RBFOX1: variants seen among roughly 807,000 people sequenced by gnomAD.
RBFOX1 encodes RNA binding fox-1 homolog 1.
In RBFOX1, 8 loss-of-function variants were observed where a neutral mutation model predicts 57.7. That is an observed-to-expected ratio of 0.14 (90% confidence interval 0.08 to 0.25). RBFOX1 has a LOEUF of 0.25. Among genes scored for constraint, RBFOX1 ranks in the 10% least tolerant of loss-of-function variants. The pLI, the probability that RBFOX1 is intolerant of heterozygous loss-of-function variation, is 1.00. For synonymous variants in RBFOX1, 326 were observed against 222.4 expected, an observed-to-expected ratio of 1.47 and a Z score of -4.15; for missense variants, 611 against 548.5, an observed-to-expected ratio of 1.11 and a Z score of -1.14.
intron 5 of RBFOX1, among the ~76,000 whole-genome samples, chr16:7,556,282 G>C (rs1233202621): frequency 1.3e-5 from 2 of 152,140 alleles, no homozygotes; most frequent in Non-Finnish European, 2.9e-5. Flanking sequence ...ACTACAGCTA[G>C]TTCTGTTTCT....
At chr16:6,610,864 C>A (rs191456601) in intron 2 of RBFOX1, among the ~76,000 whole-genome samples, 1 of 152,264 alleles carries the variant, frequency 6.6e-6, no homozygotes, top group East Asian at 1.9e-4. Context: ...CCAAACTGTT[C>A]TTTTAAAAGT....
chr16:7,495,538 T>C (rs8049341), intron 4 of RBFOX1, among the ~76,000 whole-genome samples: 32,225 of 152,218 alleles, frequency 0.21, 3,750 homozygotes, highest in East Asian at 0.34. Flanking sequence ...GGTATCTCAC[T>C]GTGGTTTAGA....
chr16:5,703,357 C>T (rs1224334476), intron 3 of RBFOX1, among the ~76,000 whole-genome samples: 2 of 152,124 alleles, frequency 1.3e-5, no homozygotes, highest in Admixed American at 1.3e-4. Context: ...GGAAGAGCTG[C>T]TGAGGGAGAG....
intron 3 of RBFOX1, among the ~76,000 whole-genome samples, chr16:6,767,590 A>G (rs1229893410): frequency 1.3e-5 from 2 of 152,132 alleles, no homozygotes; most frequent in African/African-American, 4.8e-5. Flanking sequence ...GACAGTATAA[A>G]TCTTTCAAAT....
chr16:5,240,228 C>G lies in RBFOX1; in HGVS notation c.219+123C>G, dbSNP rs1246604022. 4.6e-6 allele frequency: 3 copies of G among 657,544 alleles called. No individual in the cohort carries two copies. In the African/African-American group the frequency reaches 5.6e-5, roughly 12 times the overall value. 40.7% of individuals were successfully genotyped at this position (657,544 alleles called of 1,614,324 possible). A position where few individuals can be genotyped will look rare whatever the true frequency, so the allele number is the denominator to read the frequency against. ...GTTGAAGTTGGTAACTGAGTGGCAA[C>G]TCCGGCGGGCGCGGAGTGACAGCTC... On this transcript the variant is annotated intron_variant, in intron 1 of 2. Transcript: ENST00000585867.
intron 4 of RBFOX1, among the ~76,000 whole-genome samples, chr16:7,362,661 T>C (rs2097351873): frequency 1.3e-5 from 2 of 150,940 alleles, no homozygotes; most frequent in African/African-American, 4.9e-5. Context: ...TGTATGTTTT[T>C]TATGTTAGTT....
At chr16:7,446,417 A>G (rs1598604578) in intron 4 of RBFOX1, among the ~76,000 whole-genome samples, 1 of 152,338 alleles carries the variant, frequency 6.6e-6, no homozygotes, top group East Asian at 1.9e-4. Flanking sequence ...TAGTATAACT[A>G]GACAATTATT....
intron 4 of RBFOX1, among the ~76,000 whole-genome samples, chr16:7,239,231 G>C (rs2093934082): frequency 6.6e-6 from 1 of 152,190 alleles, no homozygotes; most frequent in Non-Finnish European, 1.5e-5. Context: ...GGAAAAGGTG[G>C]AATCAGCCAG....
At chr16:5,749,145 G>A (rs1332955222) in intron 3 of RBFOX1, among the ~76,000 whole-genome samples, 3 of 152,150 alleles carry the variant, frequency 2.0e-5, no homozygotes, top group African/African-American at 7.2e-5. Context: ...AGTTTTGCTG[G>A]ATATGAAGTT....
chr16:7,580,146 T>C (rs1241544870), intron 6 of RBFOX1, among the ~76,000 whole-genome samples: 1 of 152,204 alleles, frequency 6.6e-6, no homozygotes, highest in Non-Finnish European at 1.5e-5. Flanking sequence ...AGTGGCTTTC[T>C]TCTAAGAAGT....
intron 2 of RBFOX1, among the ~76,000 whole-genome samples, chr16:5,506,688 G>C (rs1297205521): frequency 6.6e-6 from 1 of 152,114 alleles, no homozygotes. Flanking sequence ...CCACAGAGAA[G>C]GGAGTGAGGT....
At chr16:7,035,706 T>G (rs1015997288) in intron 3 of RBFOX1, among the ~76,000 whole-genome samples, 1 of 152,216 alleles carries the variant, frequency 6.6e-6, no homozygotes, top group East Asian at 1.9e-4. Flanking sequence ...GACCTAGATT[T>G]TCCTTTTAAA....
chr16:7,389,642 A>G (rs78836740), intron 4 of RBFOX1, among the ~76,000 whole-genome samples: 1 of 152,258 alleles, frequency 6.6e-6, no homozygotes, highest in Admixed American at 6.5e-5. Flanking sequence ...TCATCCAGAT[A>G]TGTTGGGACC....
At chr16:7,390,216 C>T (rs1045686074) in intron 4 of RBFOX1, among the ~76,000 whole-genome samples, 12 of 152,168 alleles carry the variant, frequency 7.9e-5, no homozygotes, top group African/African-American at 2.9e-4. Context: ...GCACCAGACC[C>T]CTCCTCCAAC....
At chr16:7,211,116 G>T (rs12709189) in intron 4 of RBFOX1, among the ~76,000 whole-genome samples, 40,923 of 150,328 alleles carry the variant, frequency 0.27, 5,834 homozygotes, top group Non-Finnish European at 0.32. Flanking sequence ...TCTGGGCCGG[G>T]TGCTGTGGCT....
At chr16:5,883,767 C>T (rs935526053) in intron 4 of RBFOX1, among the ~76,000 whole-genome samples, 17 of 152,108 alleles carry the variant, frequency 1.1e-4, no homozygotes, top group Admixed American at 2.0e-4. Flanking sequence ...AGCAACATTC[C>T]TGTGAGTAGA....
chr16:7,074,322 AC>A (rs1337047141), intron 4 of RBFOX1, among the ~76,000 whole-genome samples: 1 of 152,188 alleles, frequency 6.6e-6, no homozygotes, highest in Non-Finnish European at 1.5e-5. Context: ...CAAGAACCAA[AC>A]TGAGATTCTG....
rs571638664 is a variant in RBFOX1 at position 5,256,760 on chromosome 16, C to G, written c.219+16655C>G. 5.9e-5 allele frequency among the ~76,000 whole-genome samples: 9 copies of G among 152,024 alleles called. No homozygotes were observed. The South Asian group carries it at 1.9e-3, about 32-fold the overall frequency. On this transcript the variant is annotated intron_variant, in intron 1 of 2. Coordinates refer to the RBFOX1 transcript ENST00000585867. ...TACCAGCCTGGCCAATATGCGAAACCCTGCCTCTTCTAAAAGTACAAAAAT... is the reference window on the plus strand; with the variant it reads ...TACCAGCCTGGCCAATATGCGAAACGCTGCCTCTTCTAAAAGTACAAAAAT...
chr16:5,868,435 G>A (rs1041355106), intron 4 of RBFOX1, among the ~76,000 whole-genome samples: 2 of 152,180 alleles, frequency 1.3e-5, no homozygotes, highest in African/African-American at 4.8e-5. Context: ...GTATACCATG[G>A]GGATGGTTAT....
Sources: gnomAD v4.1 joint callset for allele counts (sites outside exome capture counted in the v4.1 genomes callset) on GRCh38, gnomAD v4.1.1 for gene constraint, MANE v1.5 for transcripts, NCBI Gene and HGNC (gene_info 2026-07-23, HGNC 2026-07-21) for gene names.